Variants in CRTAM observed in about 807,000 individuals in gnomAD.
CRTAM encodes cytotoxic and regulatory T-cell molecule.
Under a neutral mutation model 50.0 loss-of-function variants are expected in CRTAM, and 44 were observed. That is an observed-to-expected ratio of 0.88 (90% CI 0.69 to 1.13). The LOEUF is 1.13. Ranked by LOEUF, CRTAM falls within the 50% of genes most tolerant of loss-of-function variation. The probability of loss-of-function intolerance (pLI) is 0.00; values close to 1 mark genes in which losing one functional copy is unlikely to be tolerated. For synonymous variants in CRTAM, 159 were observed against 169.3 expected (o/e 0.94, Z 0.47); for missense variants, 448 against 457.5 (o/e 0.98, Z 0.19).
At chr11:122,854,492 G>A (rs1290668284) in intron 4 of CRTAM, among the ~76,000 whole-genome samples, 1 of 149,734 alleles carries the variant, frequency 6.7e-6, no homozygotes, top group African/African-American at 2.5e-5. Flanking sequence ...GACCAACATG[G>A]AGAAACCTCG....
intron 6 of CRTAM, among the ~76,000 whole-genome samples, chr11:122,863,056 T>G (rs1862109081): frequency 1.3e-5 from 2 of 152,288 alleles, no homozygotes; most frequent in Admixed American, 1.3e-4. Context: ...TTTTTGATGA[T>G]GGGATTGAAC....
intron 5 of CRTAM, among the ~76,000 whole-genome samples, chr11:122,859,673 A>G (rs1221980158): frequency 1.3e-5 from 2 of 152,212 alleles, no homozygotes; most frequent in Non-Finnish European, 2.9e-5. Flanking sequence ...AATTGTGGCT[A>G]TTCTTCTTTG....
chr11:122,865,270 G>A (rs372653526), intron 7 of CRTAM, among the ~76,000 whole-genome samples: 6 of 152,130 alleles, frequency 3.9e-5, no homozygotes, highest in Non-Finnish European at 5.9e-5. Flanking sequence ...CCCGACCTCC[G>A]GTGATCTGCC....
rs762611392 is a variant in CRTAM, at chr11:122,868,137, G to C, written c.1051+38G>C. 1.9e-5 allele frequency: 23 copies of C among 1,229,544 alleles called. No individual in the cohort carries two copies. The South Asian group carries it at 2.2e-4, about 12-fold the overall frequency. The allele number at this position is 1,229,544 out of a possible 1,614,324, so 76.2% of individuals were successfully genotyped here. ...TATGACCTGAGATCTGAACAATGAG[G>C]TTCATTAATGTATTAGTCAGATTTC... is the stretch of plus-strand genomic sequence containing the variant. On this transcript the variant is annotated intron_variant, in intron 9 of 9. Coordinates refer to ENST00000227348, the MANE Select transcript of CRTAM (RefSeq NM_019604.4).
At chr11:122,843,256 G>A (rs962295115) in intron 1 of CRTAM, among the ~76,000 whole-genome samples, 4 of 152,254 alleles carry the variant, frequency 2.6e-5, no homozygotes, top group East Asian at 3.9e-4. Context: ...TGGTGATGAC[G>A]GTGAAGGTCA....
At chr11:122,862,327 A>G in intron 5 of CRTAM, 137 bp from the exon 6 acceptor site, 1 of 644,794 alleles carries the variant, frequency 1.6e-6, no homozygotes, top group Non-Finnish European at 2.8e-6. Context: ...GAGCCACAGA[A>G]CACACAGTTC....
At chr11:122,851,016 C>T (rs1861922876) in intron 2 of CRTAM, among the ~76,000 whole-genome samples, 1 of 151,982 alleles carries the variant, frequency 6.6e-6, no homozygotes, top group Admixed American at 6.6e-5. Flanking sequence ...AATCCCAGCA[C>T]TTTGGGAGAC....
intron 7 of CRTAM, among the ~76,000 whole-genome samples, chr11:122,866,107 A>T (rs1047616905): frequency 6.6e-6 from 1 of 152,156 alleles, no homozygotes; most frequent in Non-Finnish European, 1.5e-5. Context: ...CATGAGTCCC[A>T]AACACCTCAT....
chr11:122,856,994 C>T (rs146705879), intron 5 of CRTAM, among the ~76,000 whole-genome samples: 2 of 151,552 alleles, frequency 1.3e-5, no homozygotes, highest in East Asian at 3.9e-4. Context: ...TATCTAAAAG[C>T]TTCCTAAAGA....
At chr11:122,855,086 G>C (rs1300863021) in intron 4 of CRTAM, among the ~76,000 whole-genome samples, 1 of 152,120 alleles carries the variant, frequency 6.6e-6, no homozygotes, top group East Asian at 1.9e-4. Flanking sequence ...TGGGATTACA[G>C]GTGCATGCCA....
At chr11:122,863,287 A>AG (rs56002655) in intron 6 of CRTAM, among the ~76,000 whole-genome samples, 2 of 147,606 alleles carry the variant, frequency 1.4e-5, no homozygotes, top group African/African-American at 5.1e-5. Context: ...AAAGAAAGAA[A>AG]AAGAAAGAAA....
At chr11:122,848,176 G>A (rs1376822366) in intron 1 of CRTAM, among the ~76,000 whole-genome samples, 2 of 152,208 alleles carry the variant, frequency 1.3e-5, no homozygotes, top group Admixed American at 1.3e-4. Context: ...CTCCCTGAGT[G>A]AGTCTAACAT....
chr11:122,864,260 G>A (rs571431083), intron 6 of CRTAM, among the ~76,000 whole-genome samples: 2 of 152,276 alleles, frequency 1.3e-5, no homozygotes, highest in South Asian at 4.1e-4. Context: ...TAAATGCTGG[G>A]CTCTAGAGTT....
chr11:122,863,276 GAAAGAAAGAA>G (rs1475937046), intron 6 of CRTAM, among the ~76,000 whole-genome samples: 4 of 121,928 alleles, frequency 3.3e-5, no homozygotes, highest in Non-Finnish European at 7.0e-5. Flanking sequence ...GAAAGAAAAA[GAAAGAAAGAA>G]AAAGAAAGAA....
In CRTAM at chr11:122,870,270, G is replaced by A. The variant is rs1349863257; in HGVS notation, c.1052-999G>A. 4.0e-5 allele frequency among the ~76,000 whole-genome samples: 6 copies of A among 151,772 alleles called. No individual in the cohort carries two copies. The East Asian group carries it at 1.2e-3, about 29-fold the overall frequency. ...TAATTTTTATATTTTTAGTAGAGATGGGGTTTCACCATGTTGCCCAGGCTG... is the reference window on the plus strand; with the variant it reads ...TAATTTTTATATTTTTAGTAGAGATAGGGTTTCACCATGTTGCCCAGGCTG... On this transcript the variant is annotated intron_variant, in intron 9 of 9. Transcript: ENST00000227348.
intron 9 of CRTAM, among the ~76,000 whole-genome samples, chr11:122,869,577 T>G (rs947313874): frequency 6.6e-6 from 1 of 152,190 alleles, no homozygotes; most frequent in Non-Finnish European, 1.5e-5. Flanking sequence ...GCTAGGACTA[T>G]AGAAAAGCAA....
chr11:122,845,446 T>C (rs961143154), intron 1 of CRTAM, among the ~76,000 whole-genome samples: 2 of 152,106 alleles, frequency 1.3e-5, no homozygotes, highest in Non-Finnish European at 2.9e-5. Flanking sequence ...CGGTGGCTCA[T>C]GCCTGTAATC....
At chr11:122,866,769 A>G (rs535757629) in intron 7 of CRTAM, among the ~76,000 whole-genome samples, 2 of 152,050 alleles carry the variant, frequency 1.3e-5, no homozygotes, top group South Asian at 4.2e-4. Flanking sequence ...GCTCCTGGCT[A>G]ATTTTTTATT....
At chr11:122,848,894 G>A (rs1015820147) in intron 1 of CRTAM, among the ~76,000 whole-genome samples, 6 of 152,120 alleles carry the variant, frequency 3.9e-5, no homozygotes, top group Non-Finnish European at 8.8e-5. Flanking sequence ...AATAATGAAT[G>A]GCAATAAGCA....
Sources: gnomAD v4.1 joint callset for allele counts (sites outside exome capture counted in the v4.1 genomes callset) on GRCh38, gnomAD v4.1.1 for gene constraint, MANE v1.5 for transcripts, NCBI Gene and HGNC (gene_info 2026-07-23, HGNC 2026-07-21) for gene names.